The following PLXNA4 variants were observed in gnomAD, a reference collection of about 807,000 sequenced individuals.
The protein encoded by PLXNA4 is plexin-A4.
A neutral mutation model predicts 191.8 loss-of-function variants in PLXNA4; 44 were observed. The ratio of observed to expected loss-of-function variants is 0.23; its 90% CI spans 0.18 to 0.29. PLXNA4 has a LOEUF of 0.29. Ranked by LOEUF, PLXNA4 falls within the 10% of genes least tolerant of loss-of-function variation. The pLI is 1.00. For missense variants in PLXNA4, 1,800 were observed against 2,488.8 expected, an observed-to-expected ratio of 0.72 and a Z score of 5.89; for synonymous variants, 1,082 against 1,009.5, an observed-to-expected ratio of 1.07 and a Z score of -1.36.
intron 3 of PLXNA4, among the ~76,000 whole-genome samples, chr7:132,447,370 CTG>C (rs1795950648): frequency 6.6e-6 from 1 of 152,162 alleles, no homozygotes; most frequent in Non-Finnish European, 1.5e-5. Context: ...GAGGGGAAAA[CTG>C]TGGAAAATGT....
chr7:132,182,779 C>T (rs1257045289), intron 16 of PLXNA4, among the ~76,000 whole-genome samples: 4 of 152,196 alleles, frequency 2.6e-5, no homozygotes, highest in Non-Finnish European at 5.9e-5. Flanking sequence ...CTCGGGTCTC[C>T]TGTACCCTGG....
At chr7:132,593,343 C>T (rs1802640115) in intron 2 of PLXNA4, among the ~76,000 whole-genome samples, 1 of 152,094 alleles carries the variant, frequency 6.6e-6, no homozygotes, top group Non-Finnish European at 1.5e-5. Context: ...GGTCATTTGT[C>T]ATCTTTAGGG....
chr7:132,273,846 T>G (rs1800171035), intron 4 of PLXNA4, among the ~76,000 whole-genome samples: 1 of 152,176 alleles, frequency 6.6e-6, no homozygotes, highest in African/African-American at 2.4e-5. Context: ...TCCAGAAGTC[T>G]CACTTGAGGA....
At chr7:132,492,570 C>T (rs1034729353) in intron 2 of PLXNA4, among the ~76,000 whole-genome samples, 1 of 152,158 alleles carries the variant, frequency 6.6e-6, no homozygotes, top group Non-Finnish European at 1.5e-5. Context: ...AGTCCTTTGA[C>T]CAAGCACCGT....
At position 132,435,267 on chromosome 7, in the gene PLXNA4, A is replaced by C. The variant is rs530509807; in HGVS notation, c.1371+54025T>G. 2.0e-5 allele frequency among the ~76,000 whole-genome samples: 3 copies of C among 152,244 alleles called. No homozygotes were observed. The South Asian group carries it at 6.2e-4, about 32-fold the overall frequency. ...GAACACGTACCCATAGCCCCAGGGG[A>C]AAAAACAAGGGAGGAAAGAAAATAA... On this transcript the variant is annotated intron_variant, in intron 3 of 31. Transcript: ENST00000321063.
chr7:132,632,884 CA>C (rs1803521006), intron 2 of PLXNA4, among the ~76,000 whole-genome samples: 1 of 152,096 alleles, frequency 6.6e-6, no homozygotes, highest in Admixed American at 6.5e-5. Flanking sequence ...GATCCTTTTA[CA>C]GCATTTGGAG....
chr7:132,354,713 C>T (rs1294416734), intron 3 of PLXNA4, among the ~76,000 whole-genome samples: 1 of 152,102 alleles, frequency 6.6e-6, no homozygotes, highest in Non-Finnish European at 1.5e-5. Flanking sequence ...AAGGAAGATG[C>T]TCTAGCTCCT....
intron 3 of PLXNA4, among the ~76,000 whole-genome samples, chr7:132,380,172 T>C (rs1210416014): frequency 6.6e-6 from 1 of 152,224 alleles, no homozygotes; most frequent in Non-Finnish European, 1.5e-5. Context: ...AGATAACTTT[T>C]TTAATGAATC....
At chr7:132,430,832 T>A (rs1795231239) in intron 3 of PLXNA4, among the ~76,000 whole-genome samples, 1 of 152,046 alleles carries the variant, frequency 6.6e-6, no homozygotes, top group Non-Finnish European at 1.5e-5. Context: ...GGTGGCAGAG[T>A]ACATAAGGAC....
chr7:132,145,394 C>A, intron 28 of PLXNA4, 106 bp from the exon 29 acceptor site: 2 of 1,498,196 alleles, frequency 1.3e-6, no homozygotes, highest in Non-Finnish European at 9.0e-7. Context: ...GTATACAGCC[C>A]ACCCTACTTG....
chr7:132,524,815 C>T (rs1193416469), intron 1 of PLXNA4, among the ~76,000 whole-genome samples: 1 of 152,170 alleles, frequency 6.6e-6, no homozygotes, highest in East Asian at 1.9e-4. Flanking sequence ...GATCCACCCG[C>T]CTCGGCCTCC....
At chr7:132,547,768 G>A (rs565346187) in intron 1 of PLXNA4, among the ~76,000 whole-genome samples, 7 of 152,176 alleles carry the variant, frequency 4.6e-5, no homozygotes, top group East Asian at 1.9e-4. Flanking sequence ...CAGGGTCTGC[G>A]GAGGCAACAA....
At chr7:132,342,104 T>G (rs1221460200) in intron 3 of PLXNA4, among the ~76,000 whole-genome samples, 1 of 151,606 alleles carries the variant, frequency 6.6e-6, no homozygotes, top group Non-Finnish European at 1.5e-5. Context: ...TCAATCTGGC[T>G]TCAAGGAGAC....
intron 3 of PLXNA4, among the ~76,000 whole-genome samples, chr7:132,306,913 G>A (rs552331182): frequency 6.6e-6 from 1 of 152,340 alleles, no homozygotes; most frequent in African/African-American, 2.4e-5. Context: ...TGGGAAGGGT[G>A]CAGCAGGTTG....
At chr7:132,460,753 C>T (rs1563112128) in intron 3 of PLXNA4, among the ~76,000 whole-genome samples, 1 of 152,088 alleles carries the variant, frequency 6.6e-6, no homozygotes, top group African/African-American at 2.4e-5. Context: ...CACACATCAC[C>T]CACCACAAGG....
chr7:132,631,610 G>A (rs1356309673), intron 2 of PLXNA4, among the ~76,000 whole-genome samples: 2 of 152,062 alleles, frequency 1.3e-5, no homozygotes, highest in African/African-American at 4.8e-5. Context: ...CTGATCTTTT[G>A]CCCTGAGATT....
At chr7:132,563,782 T>TTCCTCCTCCTTC (rs1252688231) in intron 1 of PLXNA4, among the ~76,000 whole-genome samples, 1 of 23,954 alleles carries the variant, frequency 4.2e-5, no homozygotes, top group Non-Finnish European at 8.5e-5. Context: ...CCTCCTCCTC[T>TTCCTCCTCCTTC]TCCTCCTCCT....
At chr7:132,565,584 T>C (rs555655138) in intron 1 of PLXNA4, among the ~76,000 whole-genome samples, 1 of 152,196 alleles carries the variant, frequency 6.6e-6, no homozygotes, top group African/African-American at 2.4e-5. Flanking sequence ...TCAAATATGG[T>C]CCAAGCAGGG....
At chr7:132,276,927 G>A (rs1282092489) in intron 4 of PLXNA4, among the ~76,000 whole-genome samples, 1 of 152,168 alleles carries the variant, frequency 6.6e-6, no homozygotes, top group African/African-American at 2.4e-5. Flanking sequence ...GGCATCTGGG[G>A]GAGGTGCTGA....
Sources: allele counts gnomAD v4.1 joint callset (sites outside exome capture counted in the v4.1 genomes callset), GRCh38; gene constraint gnomAD v4.1.1; transcripts MANE v1.5; gene names NCBI Gene and HGNC (gene_info 2026-07-23, HGNC 2026-07-21).